RBFOX1: variants seen among roughly 807,000 people sequenced by gnomAD.
RBFOX1 encodes the protein RNA binding fox-1 homolog 1.
RBFOX1 carries 8 observed loss-of-function variants against 57.7 expected under a neutral mutation model. The observed-to-expected ratio is 0.14, with a 90% confidence interval of 0.08 to 0.25. RBFOX1 has a LOEUF of 0.25. Ranked by LOEUF, RBFOX1 falls within the 10% of genes least tolerant of loss-of-function variation. The pLI is 1.00. For missense variants in RBFOX1, 611 were observed against 548.5 expected, an observed-to-expected ratio of 1.11 and a Z score of -1.14; for synonymous variants, 326 against 222.4, an observed-to-expected ratio of 1.47 and a Z score of -4.15.
chr16:5,404,932 A>G (rs898355996), intron 1 of RBFOX1, among the ~76,000 whole-genome samples: 2 of 152,242 alleles, frequency 1.3e-5, no homozygotes, highest in Non-Finnish European at 2.9e-5. Context: ...TCTGGGTCTG[A>G]GGAACTTTTG....
intron 3 of RBFOX1, among the ~76,000 whole-genome samples, chr16:6,960,098 A>G (rs2082647263): frequency 6.6e-6 from 1 of 152,108 alleles, no homozygotes; most frequent in Admixed American, 6.5e-5. Context: ...GGATTAAACA[A>G]GTGTATTGGG....
rs1046772948 is a variant in RBFOX1, at chr16:5,801,816, T to G, written c.319-65487T>G. Among the ~76,000 whole-genome samples, 6 of 152,220 alleles carry G rather than the reference T, an allele frequency of 3.9e-5. No homozygotes were observed. The East Asian group carries it at 9.6e-4, about 24-fold the overall frequency. ...CAGAGAGTGAACCGGGTGCCAAAAT[T>G]ATCGCCTAGCATCATTAAAAATCAG... is the stretch of plus-strand genomic sequence containing the variant. On this transcript the variant is annotated intron_variant, in intron 3 of 19. Transcript: ENST00000641259.
chr16:7,102,397 C>T (rs2062848187), intron 4 of RBFOX1, among the ~76,000 whole-genome samples: 2 of 152,138 alleles, frequency 1.3e-5, no homozygotes, highest in Non-Finnish European at 2.9e-5. Flanking sequence ...GTTAAATAGT[C>T]GCTTTCAAGC....
chr16:7,663,066 G>A (rs752380058), intron 12 of RBFOX1, among the ~76,000 whole-genome samples: 1 of 152,232 alleles, frequency 6.6e-6, no homozygotes, highest in Non-Finnish European at 1.5e-5. Flanking sequence ...TGAAAGAATG[G>A]GATGGAGCGG....
rs545649601 is a variant in RBFOX1, at chr16:6,587,533, C to T, written c.-63-67070C>T. Among the ~76,000 whole-genome samples, 32 of 152,198 alleles carry T rather than the reference C, an allele frequency of 2.1e-4. 1 individual carries two copies. In the South Asian group the frequency reaches 3.1e-3, roughly 15 times the overall value. On this transcript the variant is annotated intron_variant, in intron 2 of 15. Coordinates refer to ENST00000550418, the MANE Select transcript of RBFOX1 (RefSeq NM_018723.4). ...CTGACCTAAAGTGATCCACCTGCCT[C>T]GGCCTCTGAAATTGCTGGGATTACA...
intron 4 of RBFOX1, among the ~76,000 whole-genome samples, chr16:7,116,429 C>T (rs904395238): frequency 1.3e-5 from 2 of 152,128 alleles, no homozygotes; most frequent in Non-Finnish European, 2.9e-5. Flanking sequence ...GTGAAATGCA[C>T]CAACATCTCT....
chr16:6,680,829 T>A (rs2058541852), intron 3 of RBFOX1, among the ~76,000 whole-genome samples: 1 of 152,222 alleles, frequency 6.6e-6, no homozygotes, highest in South Asian at 2.1e-4. Context: ...ATTAAAAGCT[T>A]CTTGGTTAAA....
intron 3 of RBFOX1, among the ~76,000 whole-genome samples, chr16:5,658,504 A>G (rs1162642390): frequency 6.6e-6 from 1 of 152,062 alleles, no homozygotes; most frequent in Non-Finnish European, 1.5e-5. Flanking sequence ...GTGATTTTCC[A>G]ATTTAACTCA....
intron 4 of RBFOX1, among the ~76,000 whole-genome samples, chr16:7,382,666 A>T (rs374988139): frequency 6.6e-6 from 1 of 152,224 alleles, no homozygotes; most frequent in African/African-American, 2.4e-5. Flanking sequence ...ATCTGTGTCC[A>T]TCCTGGATTC....
At chr16:5,643,769 T>G (rs1009136980) in intron 3 of RBFOX1, among the ~76,000 whole-genome samples, 3 of 152,224 alleles carry the variant, frequency 2.0e-5, no homozygotes, top group Non-Finnish European at 4.4e-5. Flanking sequence ...CTGATTCTTG[T>G]GGAAGAAACT....
At chr16:6,688,570 C>T (rs748527426) in intron 3 of RBFOX1, among the ~76,000 whole-genome samples, 1 of 152,176 alleles carries the variant, frequency 6.6e-6, no homozygotes, top group Non-Finnish European at 1.5e-5. Context: ...AGGAGTCAAA[C>T]TGAAGACTAC....
At chr16:7,571,834 A>T (rs751132013) in intron 5 of RBFOX1, among the ~76,000 whole-genome samples, 1 of 152,112 alleles carries the variant, frequency 6.6e-6, no homozygotes, top group Non-Finnish European at 1.5e-5. Flanking sequence ...CCTGAGAAAT[A>T]AAACAAAAGC....
chr16:5,596,845 T>C (rs758557889), intron 2 of RBFOX1, among the ~76,000 whole-genome samples: 1 of 152,102 alleles, frequency 6.6e-6, no homozygotes, highest in East Asian at 1.9e-4. Context: ...GCTACTACTT[T>C]AGACAGTCGC....
intron 1 of RBFOX1, among the ~76,000 whole-genome samples, chr16:5,369,038 G>A (rs1372388888): frequency 3.9e-5 from 6 of 152,198 alleles, no homozygotes; most frequent in Non-Finnish European, 8.8e-5. Context: ...GTCTTGCTCT[G>A]TTGCCCAGGC....
At chr16:7,385,634 T>G (rs2097862195) in intron 4 of RBFOX1, among the ~76,000 whole-genome samples, 1 of 152,166 alleles carries the variant, frequency 6.6e-6, no homozygotes, top group African/African-American at 2.4e-5. Flanking sequence ...CGTTGAAACT[T>G]GTTTTCAAAA....
At chr16:7,481,802 A>C (rs2064015759) in intron 4 of RBFOX1, among the ~76,000 whole-genome samples, 1 of 152,202 alleles carries the variant, frequency 6.6e-6, no homozygotes, top group Non-Finnish European at 1.5e-5. Context: ...ACTCAACATC[A>C]CAGCTTAGCC....
chr16:5,489,580 T>G (rs2042757543), intron 2 of RBFOX1, among the ~76,000 whole-genome samples: 1 of 152,230 alleles, frequency 6.6e-6, no homozygotes, highest in African/African-American at 2.4e-5. Flanking sequence ...CTATTCCTAG[T>G]GCTACCATGC....
chr16:5,952,126 C>CAT (rs1204507736), intron 4 of RBFOX1, among the ~76,000 whole-genome samples: 12 of 149,420 alleles, frequency 8.0e-5, no homozygotes, highest in Non-Finnish European at 1.3e-4. Flanking sequence ...TACACACACA[C>CAT]ATATATATAT....
intron 3 of RBFOX1, among the ~76,000 whole-genome samples, chr16:6,793,610 A>G (rs2083380147): frequency 6.6e-6 from 1 of 152,122 alleles, no homozygotes; most frequent in Admixed American, 6.6e-5. Flanking sequence ...ACAAGAGCAA[A>G]CTGAAAGCTT....
Sources: gnomAD v4.1 joint callset for allele counts (sites outside exome capture counted in the v4.1 genomes callset) on GRCh38, gnomAD v4.1.1 for gene constraint, MANE v1.5 for transcripts, NCBI Gene and HGNC (gene_info 2026-07-23, HGNC 2026-07-21) for gene names.